The following SPATA17 variants were observed in gnomAD, a reference collection of about 807,000 sequenced individuals.
SPATA17 encodes the protein spermatogenesis-associated protein 17.
SPATA17 carries 53 observed loss-of-function variants against 62.2 expected under a neutral mutation model. The observed-to-expected ratio is 0.85, with a 90% CI of 0.68 to 1.07. The LOEUF (loss-of-function observed/expected upper bound fraction) is 1.07, where lower values mean the gene tolerates loss of function less well. Among genes scored for constraint, SPATA17 ranks in the 50% least tolerant of loss-of-function variants. The probability of loss-of-function intolerance (pLI) is 0.00; values close to 1 mark genes in which losing one functional copy is unlikely to be tolerated. For missense variants in SPATA17, 466 were observed against 425.5 expected (o/e 1.10, Z -0.84); for synonymous variants, 146 against 146.8 (o/e 0.99, Z 0.04).
At chr1:217,652,787 A>G (rs749388805) in intron 3 of SPATA17, among the ~76,000 whole-genome samples, 1 of 152,182 alleles carries the variant, frequency 6.6e-6, no homozygotes, top group Non-Finnish European at 1.5e-5. Context: ...TGAACTGTAG[A>G]AAGAGGACAG....
intron 8 of SPATA17, among the ~76,000 whole-genome samples, chr1:217,786,422 G>T (rs1673864242): frequency 6.6e-6 from 1 of 152,140 alleles, no homozygotes; most frequent in Non-Finnish European, 1.5e-5. Flanking sequence ...GTAGGCTGAT[G>T]ATGTGAAAAG....
chr1:217,757,640 G>T (rs1673081141), intron 6 of SPATA17, among the ~76,000 whole-genome samples: 2 of 152,160 alleles, frequency 1.3e-5, no homozygotes, highest in African/African-American at 2.4e-5. Context: ...TGTAGGGTTG[G>T]CAAGGAAGCA....
intron 4 of SPATA17, among the ~76,000 whole-genome samples, chr1:217,670,968 A>AG (rs1670818927): frequency 6.6e-6 from 1 of 151,518 alleles, no homozygotes; most frequent in South Asian, 2.1e-4. Flanking sequence ...AAAAAAAAAA[A>AG]AAAAGAAATC....
At chr1:217,844,717 A>C (rs910383970) in intron 9 of SPATA17, among the ~76,000 whole-genome samples, 6 of 152,138 alleles carry the variant, frequency 3.9e-5, no homozygotes, top group Non-Finnish European at 5.9e-5. Flanking sequence ...GCTAATCCCC[A>C]TTAATACAAA....
At chr1:217,678,205 CTTTTT>C (rs974715757) in intron 4 of SPATA17, among the ~76,000 whole-genome samples, 1 of 107,552 alleles carries the variant, frequency 9.3e-6, no homozygotes, top group Non-Finnish European at 2.0e-5. Context: ...CTTTTCTTTT[CTTTTT>C]TTTTTTTTTT....
intron 5 of SPATA17, among the ~76,000 whole-genome samples, chr1:217,731,777 T>TA (rs918151874): frequency 3.3e-5 from 5 of 152,138 alleles, no homozygotes; most frequent in South Asian, 2.1e-4. Context: ...GTTTTAATAC[T>TA]AAAAAATGTG....
chr1:217,723,075 C>T (rs1672178042), intron 5 of SPATA17, among the ~76,000 whole-genome samples: 1 of 152,166 alleles, frequency 6.6e-6, no homozygotes, highest in South Asian at 2.1e-4. Context: ...TTAGCATCAG[C>T]CCTCTCCCGT....
intron 5 of SPATA17, among the ~76,000 whole-genome samples, chr1:217,738,336 T>C (rs1158258366): frequency 6.6e-6 from 1 of 152,134 alleles, no homozygotes; most frequent in Non-Finnish European, 1.5e-5. Context: ...CAAAGTGCAC[T>C]CTCATCCAGA....
At chr1:217,675,788 G>A (rs1670934457) in intron 4 of SPATA17, among the ~76,000 whole-genome samples, 1 of 152,142 alleles carries the variant, frequency 6.6e-6, no homozygotes, top group Admixed American at 6.5e-5. Flanking sequence ...TCACAGAAAG[G>A]TATCTTGCCC....
At chr1:217,713,679 G>C (rs993150605) in intron 5 of SPATA17, among the ~76,000 whole-genome samples, 1 of 152,208 alleles carries the variant, frequency 6.6e-6, no homozygotes, top group South Asian at 2.1e-4. Context: ...CTAAGAAATC[G>C]ATGCTTGGAT....
At chr1:217,734,002 A>G (rs545064718) in intron 5 of SPATA17, among the ~76,000 whole-genome samples, 1 of 152,326 alleles carries the variant, frequency 6.6e-6, no homozygotes, top group South Asian at 2.1e-4. Context: ...TAGCAAAATA[A>G]GGTAGATAAA....
intron 9 of SPATA17, among the ~76,000 whole-genome samples, chr1:217,811,658 A>C (rs1396591277): frequency 6.7e-6 from 1 of 148,484 alleles, no homozygotes; most frequent in Non-Finnish European, 1.5e-5. Flanking sequence ...GTGCCATTGC[A>C]CTCCAGCCTG....
At chr1:217,640,585 A>G (rs1231073576) in intron 1 of SPATA17, among the ~76,000 whole-genome samples, 1 of 152,164 alleles carries the variant, frequency 6.6e-6, no homozygotes. Flanking sequence ...TTTTATATAC[A>G]GGATTATGTA....
At chr1:217,649,780 A>G (rs549119846) in intron 2 of SPATA17, among the ~76,000 whole-genome samples, 57 of 150,968 alleles carry the variant, frequency 3.8e-4, no homozygotes, top group African/African-American at 1.4e-3. Flanking sequence ...GTGTCCCATC[A>G]ATTCTTAAAA....
chr1:217,700,725 T>C (rs1277556700), intron 5 of SPATA17, among the ~76,000 whole-genome samples: 2 of 151,634 alleles, frequency 1.3e-5, no homozygotes, highest in African/African-American at 2.4e-5. Flanking sequence ...TAGCAGAGGC[T>C]ACAGGCATGC....
At chr1:217,716,631 CACTT>C (rs1385996513) in intron 5 of SPATA17, among the ~76,000 whole-genome samples, 4 of 152,172 alleles carry the variant, frequency 2.6e-5, no homozygotes, top group Non-Finnish European at 5.9e-5. Flanking sequence ...ACAAAAGAAA[CACTT>C]TAATTACAGA....
At chr1:217,703,566 T>A (rs1379954473) in intron 5 of SPATA17, among the ~76,000 whole-genome samples, 2 of 152,220 alleles carry the variant, frequency 1.3e-5, no homozygotes, top group African/African-American at 4.8e-5. Context: ...TATCTTTACA[T>A]TTTTTTCTTT....
chr1:217,717,392 C>G (rs534686542), intron 5 of SPATA17, among the ~76,000 whole-genome samples: 2 of 152,080 alleles, frequency 1.3e-5, no homozygotes, highest in East Asian at 3.9e-4. Flanking sequence ...GATGGATCAC[C>G]TGAGGTCAGG....
chr1:217,853,857 A>G (rs1443923687), intron 9 of SPATA17, among the ~76,000 whole-genome samples: 1 of 152,140 alleles, frequency 6.6e-6, no homozygotes, highest in Non-Finnish European at 1.5e-5. Flanking sequence ...TGTTCTCTAC[A>G]TTACACTTAA....
Sources: allele counts gnomAD v4.1 joint callset (sites outside exome capture counted in the v4.1 genomes callset), GRCh38; gene constraint gnomAD v4.1.1; transcripts MANE v1.5; gene names NCBI Gene and HGNC (gene_info 2026-07-23, HGNC 2026-07-21).